THSD7B: variants seen among roughly 807,000 people sequenced by gnomAD.
The protein encoded by THSD7B is thrombospondin type-1 domain-containing protein 7B.
A neutral mutation model predicts 213.6 loss-of-function variants in THSD7B; 138 were observed. The ratio of observed to expected loss-of-function variants is 0.65; its 90% CI spans 0.56 to 0.74. The LOEUF is 0.74. Among genes scored for constraint, THSD7B ranks in the 30% least tolerant of loss-of-function variants. The pLI, the probability that THSD7B is intolerant of heterozygous loss-of-function variation, is 0.00. For synonymous variants in THSD7B, 742 were observed against 687.0 expected, an observed-to-expected ratio of 1.08 and a Z score of -1.25; for missense variants, 1,931 against 1,991.5, an observed-to-expected ratio of 0.97 and a Z score of 0.58.
At chr2:137,097,615 A>T (rs1688062428) in intron 4 of THSD7B, among the ~76,000 whole-genome samples, 1 of 152,176 alleles carries the variant, frequency 6.6e-6, no homozygotes, top group Admixed American at 6.5e-5. Flanking sequence ...CAACAAGATA[A>T]TGTGGAAAGA....
At chr2:136,887,493 T>G (rs1683739843) in intron 2 of THSD7B, among the ~76,000 whole-genome samples, 2 of 152,260 alleles carry the variant, frequency 1.3e-5, no homozygotes, top group Non-Finnish European at 2.9e-5. Context: ...GAAGAATGGC[T>G]TGGTGCCATC....
At chr2:137,665,692 T>C (rs1047995789) in intron 26 of THSD7B, among the ~76,000 whole-genome samples, 1 of 152,094 alleles carries the variant, frequency 6.6e-6, no homozygotes, top group African/African-American at 2.4e-5. Flanking sequence ...CCGTAAATTA[T>C]ATGAATTACA....
intron 7 of THSD7B, among the ~76,000 whole-genome samples, chr2:137,210,878 A>T (rs919404257): frequency 4.6e-5 from 7 of 152,024 alleles, no homozygotes; most frequent in Non-Finnish European, 8.8e-5. Flanking sequence ...TTTGAATGTC[A>T]TATGGCTTTT....
At chr2:137,004,381 T>C (rs1686064980) in intron 2 of THSD7B, among the ~76,000 whole-genome samples, 1 of 151,828 alleles carries the variant, frequency 6.6e-6, no homozygotes, top group African/African-American at 2.4e-5. Flanking sequence ...TAAGGTTATG[T>C]GACTACAGCT....
At chr2:137,543,730 G>C (rs933136125) in intron 15 of THSD7B, among the ~76,000 whole-genome samples, 2 of 151,662 alleles carry the variant, frequency 1.3e-5, no homozygotes, top group Non-Finnish European at 2.9e-5. Context: ...TAAGGGTGTA[G>C]TATTGAGGAT....
At chr2:137,163,784 A>G (rs1225992504) in intron 6 of THSD7B, among the ~76,000 whole-genome samples, 2 of 152,256 alleles carry the variant, frequency 1.3e-5, no homozygotes, top group African/African-American at 2.4e-5. Context: ...TAGGCTCAAC[A>G]AGGATACAGC....
chr2:137,132,333 C>G (rs1165911418), intron 5 of THSD7B, among the ~76,000 whole-genome samples: 2 of 149,416 alleles, frequency 1.3e-5, no homozygotes, highest in Non-Finnish European at 3.0e-5. Flanking sequence ...CAAACAGGGA[C>G]AATTTGACTT....
chr2:137,243,125 A>G (rs1296917010), intron 10 of THSD7B, among the ~76,000 whole-genome samples: 2 of 152,242 alleles, frequency 1.3e-5, no homozygotes, highest in Non-Finnish European at 1.5e-5. Context: ...TATTTAATCC[A>G]GGATACTTAA....
intron 20 of THSD7B, among the ~76,000 whole-genome samples, chr2:137,637,084 A>G (rs758932048): frequency 9.2e-5 from 14 of 152,166 alleles, no homozygotes; most frequent in Non-Finnish European, 1.6e-4. Flanking sequence ...TCTCTCTCCC[A>G]TCAAAACTCA....
intron 12 of THSD7B, among the ~76,000 whole-genome samples, chr2:137,340,480 C>A (rs1427677070): frequency 6.6e-6 from 1 of 151,816 alleles, no homozygotes. Flanking sequence ...TTGAAATGTA[C>A]AATATTATTA....
chr2:137,432,429 G>C (rs1687207813), intron 14 of THSD7B, among the ~76,000 whole-genome samples: 1 of 152,030 alleles, frequency 6.6e-6, no homozygotes, highest in South Asian at 2.1e-4. Flanking sequence ...AAAATTGTCG[G>C]CATAAGAGGA....
intron 15 of THSD7B, among the ~76,000 whole-genome samples, chr2:137,542,249 A>T (rs1194277880): frequency 6.6e-6 from 1 of 151,724 alleles, no homozygotes; most frequent in Non-Finnish European, 1.5e-5. Flanking sequence ...ATCAGGATTA[A>T]CATCTGAGTT....
chr2:137,077,864 C>T (rs1687663777), intron 3 of THSD7B, among the ~76,000 whole-genome samples: 1 of 152,042 alleles, frequency 6.6e-6, no homozygotes, highest in Admixed American at 6.6e-5. Context: ...CTTTTGTTGC[C>T]ATTGCTTTTG....
intron 12 of THSD7B, among the ~76,000 whole-genome samples, chr2:137,370,918 C>G (rs1685525631): frequency 6.6e-6 from 1 of 151,932 alleles, no homozygotes; most frequent in Non-Finnish European, 1.5e-5. Context: ...GAAAGGCTTA[C>G]CATGGGTAAA....
At chr2:137,073,713 T>C (rs2104895126) in intron 3 of THSD7B, among the ~76,000 whole-genome samples, 1 of 152,318 alleles carries the variant, frequency 6.6e-6, no homozygotes, top group Non-Finnish European at 1.5e-5. Flanking sequence ...CTTTCTCTTG[T>C]GGGCATTTAG....
At chr2:137,288,807 A>G (rs868430660) in intron 12 of THSD7B, among the ~76,000 whole-genome samples, 2 of 134,796 alleles carry the variant, frequency 1.5e-5, no homozygotes, top group Non-Finnish European at 3.2e-5. Context: ...ATATATATAT[A>G]TATATTAGAA....
chr2:136,842,341 CA>C (rs1410845335), intron 1 of THSD7B, among the ~76,000 whole-genome samples: 1 of 152,076 alleles, frequency 6.6e-6, no homozygotes, highest in Non-Finnish European at 1.5e-5. Context: ...GTTCCTTGTC[CA>C]AAAATAATTG....
intron 15 of THSD7B, among the ~76,000 whole-genome samples, chr2:137,451,334 A>G (rs988821466): frequency 6.6e-6 from 1 of 151,452 alleles, no homozygotes; most frequent in Non-Finnish European, 1.5e-5. Flanking sequence ...ATATGTGTGT[A>G]TATATATATG....
chr2:137,033,570 C>T (rs1260430359), intron 2 of THSD7B, among the ~76,000 whole-genome samples: 9 of 151,908 alleles, frequency 5.9e-5, no homozygotes, highest in Admixed American at 5.9e-4. Context: ...GGAGGGTTGA[C>T]TACTTGGAGT....
Sources: allele counts gnomAD v4.1 joint callset (sites outside exome capture counted in the v4.1 genomes callset), GRCh38; gene constraint gnomAD v4.1.1; transcripts MANE v1.5; gene names NCBI Gene and HGNC (gene_info 2026-07-23, HGNC 2026-07-21).